Variants in RBM10 observed in about 807,000 individuals in gnomAD.
RBM10 encodes the protein RNA-binding protein 10.
A neutral mutation model predicts 84.9 loss-of-function variants in RBM10; 1 was observed. The ratio of observed to expected loss-of-function variants is 0.01; its 90% CI spans 0.00 to 0.06. The LOEUF is 0.06. Ranked by LOEUF, RBM10 falls within the 10% of genes least tolerant of loss-of-function variation. RBM10 has a pLI of 1.00. For missense variants in RBM10, 438 were observed against 839.0 expected (o/e 0.52, Z 5.90); for synonymous variants, 326 against 344.5 (o/e 0.95, Z 0.60).
At chrX:47,166,086 GA>G (rs1934177725) in intron 2 of RBM10, among the ~76,000 whole-genome samples, 1 of 111,015 alleles carries the variant, frequency 9.0e-6, no homozygotes, top group African/African-American at 3.3e-5. Context: ...AAATGATCTA[GA>G]AAAAATATAC....
chrX:47,157,379 A>C (rs187226275), intron 2 of RBM10: 1 of 314,313 alleles, frequency 3.2e-6, no homozygotes, highest in East Asian at 7.5e-5. Context: ...GATTGAATAC[A>C]GTAGACATCT....
intron 2 of RBM10, chrX:47,157,779 ACT>A: frequency 5.8e-6 from 2 of 343,156 alleles, no homozygotes; most frequent in South Asian, 4.9e-5. Context: ...CAGCTGCATG[ACT>A]TTTTTTTTTT....
At chrX:47,161,812 A>G (rs1025674033) in intron 2 of RBM10, among the ~76,000 whole-genome samples, 1 of 110,277 alleles carries the variant, frequency 9.1e-6, no homozygotes, top group Non-Finnish European at 1.9e-5. Flanking sequence ...GATTAGGGGC[A>G]TGAGCCACTG....
Position 47,169,302 on chromosome X carries a change from C to A in RBM10, c.18-13C>A. The A allele has an allele frequency of 8.4e-7, 1 of 1,197,379 alleles. No homozygotes were observed. Among genetic ancestry groups the A allele is most frequent in the Non-Finnish European group, 1.1e-6 (1 of 886,081 alleles). Reference sequence around the variant, plus strand: ...AACCTTCTGATCCCTCCCCATCCTTCTTCCTCCACTAGTGGTGGTCGTGGT... The same window carrying A: ...AACCTTCTGATCCCTCCCCATCCTTATTCCTCCACTAGTGGTGGTCGTGGT... On this transcript the variant is annotated splice_polypyrimidine_tract_variant and intron_variant, in intron 2 of 23. Coordinates refer to ENST00000377604, the MANE Select transcript of RBM10 (RefSeq NM_005676.5).
Position 47,186,603 on chromosome X carries a change from G to T in RBM10, c.*4G>T, listed in dbSNP as rs781888730. ...CCGCTTCAACGAGGCCCAGTGAGCA[G>T]CTTCAAGAGCAACTTCTCCACATGT... On this transcript the variant is annotated 3_prime_UTR_variant, in exon 24 of 24. Coordinates refer to ENST00000377604, the MANE Select transcript of RBM10 (RefSeq NM_005676.5). 1 of 1,211,695 alleles carries T rather than the reference G, an allele frequency of 8.3e-7. No homozygotes were observed. Among genetic ancestry groups the T allele is most frequent in the East Asian group, 3.0e-5 (1 of 33,832 alleles).
At chrX:47,165,460 A>G (rs1934100989) in intron 2 of RBM10, among the ~76,000 whole-genome samples, 1 of 101,281 alleles carries the variant, frequency 9.9e-6, no homozygotes, top group Non-Finnish European at 2.0e-5. Context: ...GGTTACAGTG[A>G]GCCAAGATTG....
Position 47,181,773 on chromosome X carries a change from G to T in RBM10, c.1600G>T (p.Val534Leu), listed in dbSNP as rs182619972. 2 of 1,211,309 alleles carry T rather than the reference G, an allele frequency of 1.7e-6. No individual in the cohort carries two copies. Among genetic ancestry groups the T allele is most frequent in the Non-Finnish European group, 2.2e-6 (2 of 895,423 alleles). The change falls in exon 15 of 24, where the codon GTG becomes TTG. Residue 534 changes from valine (V) to leucine (L), a missense_variant. Physicochemically the swap from Val to Leu is conservative, Grantham distance 32 (BLOSUM62 1). Coordinates refer to ENST00000377604, the MANE Select transcript of RBM10 (RefSeq NM_005676.5). ...SQSYTIMSPA[V>L]LKSELQSPTH... ...GTCGTATACCATCATGTCACCCGCT[G>T]TGCTCAAATCTGAGCTCCAGAGCCC...
Position 47,145,498 on chromosome X carries a change from G to A in RBM10, c.-126+13G>A, listed in dbSNP as rs1251032975. 2.6e-6 allele frequency: 3 copies of A among 1,149,773 alleles called. No individual in the cohort carries two copies. In the African/African-American group the frequency reaches 5.4e-5, roughly 21 times the overall value. 94.8% of individuals were successfully genotyped at this position (1,149,773 alleles called of 1,213,427 possible). ...CCGGGCCGAGAAGGTGAGCGTCGAC[G>A]CTGGTCGTGGGGGCGGAGGTAAGGG... is the stretch of plus-strand genomic sequence containing the variant. On this transcript the variant is annotated intron_variant, in intron 1 of 23. Transcript: ENST00000377604.
intron 7 of RBM10, among the ~76,000 whole-genome samples, chrX:47,178,524 C>T (rs1935305843): frequency 8.9e-6 from 1 of 112,290 alleles, no homozygotes; most frequent in African/African-American, 3.2e-5. Flanking sequence ...AGACCATGTT[C>T]TGGCCATGTG....
rs782315331 is a variant in RBM10 at position 47,149,346 on chromosome X, G to GTTTGT, written c.17+1866_17+1870dup. 3.3e-3 allele frequency among the ~76,000 whole-genome samples: 349 copies of GTTTGT among 106,662 alleles called. 5 individuals carry two copies. Among genetic ancestry groups the GTTTGT allele is most frequent in the African/African-American group, 0.011 (321 of 29,315 alleles). 92.6% of individuals were successfully genotyped at this position (106,662 alleles called of 115,157 possible). ...CCAACAGTGCTGTTTTTTTTTGTTT[G>GTTTGT]TTTGTTTTGTTTTGTTTTGTTTCTT... On this transcript the variant is annotated intron_variant, in intron 2 of 23. Transcript: ENST00000377604.
At chrX:47,164,823 A>G (rs1391212931) in intron 2 of RBM10, among the ~76,000 whole-genome samples, 1 of 112,498 alleles carries the variant, frequency 8.9e-6, no homozygotes, top group Non-Finnish European at 1.9e-5. Context: ...GGACACCAAT[A>G]TTCATAGCAG....
chrX:47,148,640 C>A (rs55750110), intron 2 of RBM10, among the ~76,000 whole-genome samples: 3 of 87,771 alleles, frequency 3.4e-5, no homozygotes, highest in African/African-American at 4.2e-5. Context: ...TGATACATAT[C>A]ATAGAAAATG....
rs960662939 is a variant in RBM10, at chrX:47,147,584, C to T, written c.17+86C>T. 3.2e-5 allele frequency: 35 copies of T among 1,107,895 alleles called. No homozygotes were observed. In the East Asian group the frequency reaches 1.1e-3, roughly 33 times the overall value. The allele number at this position is 1,107,895 out of a possible 1,213,427, so 91.3% of individuals were successfully genotyped here. On this transcript the variant is annotated intron_variant, in intron 2 of 23. Transcript: ENST00000377604. ...CCAAGAAGGTGCTAGGATGGGGCTT[C>T]TGGGTAGAGGAAACAGCATAGCAGA...
In RBM10 at chrX:47,179,959, C is replaced by G; in HGVS notation, c.981C>G (p.Ser327=). Residue 327 remains serine (S), a synonymous_variant, in exon 10 of 24, where the codon TCC becomes TCG. Coordinates refer to ENST00000377604, the MANE Select transcript of RBM10 (RefSeq NM_005676.5). Reference sequence around the variant, plus strand: ...CCCTGGCACCCTACGCGGTGCTGTCCTCCTCCAACGTGCGCGTCATAAAGG... The same window carrying G: ...CCCTGGCACCCTACGCGGTGCTGTCGTCCTCCAACGTGCGCGTCATAAAGG... ...LGALAPYAVL[S]SSNVRVIKDK... is the part of the protein sequence containing the mutation. The G allele has an allele frequency of 1.7e-6, 2 of 1,211,360 alleles. No individual in the cohort carries two copies. Among genetic ancestry groups the G allele is most frequent in the Non-Finnish European group, 2.2e-6 (2 of 895,208 alleles).
intron 2 of RBM10, among the ~76,000 whole-genome samples, chrX:47,161,426 T>G (rs1468308966): frequency 9.0e-6 from 1 of 111,250 alleles, no homozygotes; most frequent in Non-Finnish European, 1.9e-5. Context: ...TAGATTCTAT[T>G]CTATTTCACT....
chrX:47,152,815 A>G (rs1932848192), intron 2 of RBM10, among the ~76,000 whole-genome samples: 1 of 94,756 alleles, frequency 1.1e-5, no homozygotes, highest in Non-Finnish European at 2.1e-5. Flanking sequence ...ACACACACAC[A>G]CGTTTTTTTT....
chrX:47,173,235 C>T, intron 5 of RBM10, 38 bp downstream of exon 5: 1 of 1,201,556 alleles, frequency 8.3e-7, no homozygotes, highest in Non-Finnish European at 1.1e-6. Flanking sequence ...TTCAAGTGGC[C>T]AGCCTCAGCC....
Position 47,152,774 on chromosome X carries a change from GACACACACACAC to G in RBM10, c.17+5307_17+5318del, listed in dbSNP as rs370048928. ...CCCTATAGCTCTATATCTTTACATAGACACACACACACACACACACACACACACACACACACA... is the reference window on the plus strand; with the variant it reads ...CCCTATAGCTCTATATCTTTACATAGACACACACACACACACACACACACA... On this transcript the variant is annotated intron_variant, in intron 2 of 23. Coordinates refer to ENST00000377604, the MANE Select transcript of RBM10 (RefSeq NM_005676.5). Among the ~76,000 whole-genome samples the G allele has an allele frequency of 2.4e-3, 194 of 80,356 alleles. 1 individual carries two copies. The highest frequency in any genetic ancestry group is 2.8e-3 in the Non-Finnish European group (115 of 41,761). 69.8% of individuals were successfully genotyped at this position (80,356 alleles called of 115,157 possible). A position where few individuals can be genotyped will look rare whatever the true frequency, so the allele number is the denominator to read the frequency against.
At chrX:47,174,628 C>T (rs1450725419) in intron 5 of RBM10, among the ~76,000 whole-genome samples, 2 of 111,219 alleles carry the variant, frequency 1.8e-5, no homozygotes, top group Non-Finnish European at 1.9e-5. Flanking sequence ...GCAGCCTGCC[C>T]ACCATCCCCT....
Sources: allele counts gnomAD v4.1 joint callset (sites outside exome capture counted in the v4.1 genomes callset), GRCh38; gene constraint gnomAD v4.1.1; transcripts MANE v1.5; gene names NCBI Gene and HGNC (gene_info 2026-07-23, HGNC 2026-07-21).